CFAP47: variants seen among roughly 807,000 people sequenced by gnomAD.
The protein encoded by CFAP47 is cilia and flagella associated protein 47.
Under a neutral mutation model 148.1 loss-of-function variants are expected in CFAP47, and 29 were observed. The ratio of observed to expected loss-of-function variants is 0.20; its 90% CI spans 0.15 to 0.27. The LOEUF (loss-of-function observed/expected upper bound fraction) is 0.27, where lower values mean the gene tolerates loss of function less well. Ranked by LOEUF, CFAP47 falls within the 10% of genes least tolerant of loss-of-function variation. CFAP47 has a pLI of 1.00. For synonymous variants in CFAP47, 664 were observed against 577.3 expected (o/e 1.15, Z -2.15); for missense variants, 1,872 against 1,697.5 (o/e 1.10, Z -1.81).
chrX:36,290,284 GTATC>G (rs1386862594), intron 51 of CFAP47, among the ~76,000 whole-genome samples: 10 of 111,788 alleles, frequency 8.9e-5, no homozygotes, highest in Non-Finnish European at 1.7e-4. Flanking sequence ...TATTTACAGA[GTATC>G]TAGGTAGTCA....
chrX:36,096,662 C>T (rs773664503), intron 30 of CFAP47, among the ~76,000 whole-genome samples: 1 of 109,799 alleles, frequency 9.1e-6, no homozygotes, highest in East Asian at 2.9e-4. Context: ...AGTATAGCTA[C>T]TCCTGCTTTT....
chrX:36,009,385 G>A (rs900885751), intron 21 of CFAP47, among the ~76,000 whole-genome samples: 6 of 111,807 alleles, frequency 5.4e-5, no homozygotes, highest in Admixed American at 1.9e-4. Context: ...ATAACCAGCT[G>A]CTGATGATTA....
In CFAP47 at chrX:36,328,003, T is replaced by C. The variant is rs190891967; in HGVS notation, c.8443+8696T>C. Among the ~76,000 whole-genome samples, 21 of 111,607 alleles carry C rather than the reference T, an allele frequency of 1.9e-4. 2 individuals carry two copies. The Admixed American group carries it at 1.9e-3, about 10-fold the overall frequency. On this transcript the variant is annotated intron_variant, in intron 57 of 63. Transcript: ENST00000378653. ...AAAAACGACTCATTGAGTACTATGCTCACTACGTGCATGATGGGATTCATA... is the reference window on the plus strand; with the variant it reads ...AAAAACGACTCATTGAGTACTATGCCCACTACGTGCATGATGGGATTCATA...
chrX:36,319,816 G>C (rs1373438084), intron 57 of CFAP47, among the ~76,000 whole-genome samples: 2 of 110,434 alleles, frequency 1.8e-5, no homozygotes, highest in African/African-American at 6.6e-5. Context: ...GACTATTTTT[G>C]TTGTTGTTGT....
intron 33 of CFAP47, among the ~76,000 whole-genome samples, chrX:36,106,038 C>T (rs1328982176): frequency 2.7e-5 from 3 of 112,058 alleles, no homozygotes. Context: ...CAGATATCTT[C>T]ATGGTTCCCT....
At chrX:36,236,887 G>T in intron 48 of CFAP47, 28 bp downstream of exon 48, 1 of 427,246 alleles carries the variant, frequency 2.3e-6, no homozygotes, top group Non-Finnish European at 4.1e-6. Context: ...GTGTGAAAGT[G>T]TTTTTTTCTG....
intron 16 of CFAP47, among the ~76,000 whole-genome samples, chrX:35,991,022 T>C (rs966879772): frequency 8.9e-6 from 1 of 111,761 alleles, no homozygotes; most frequent in Non-Finnish European, 1.9e-5. Context: ...CCACACAAGA[T>C]TGACACATTA....
At chrX:36,066,073 A>C (rs1355889914) in intron 27 of CFAP47, among the ~76,000 whole-genome samples, 1 of 111,997 alleles carries the variant, frequency 8.9e-6, no homozygotes, top group Non-Finnish European at 1.9e-5. Context: ...TTTGAGTATC[A>C]GTGTTTAGAA....
At chrX:36,383,893 T>C (rs1433238220) in intron 63 of CFAP47, among the ~76,000 whole-genome samples, 2 of 111,923 alleles carry the variant, frequency 1.8e-5, no homozygotes, top group Non-Finnish European at 3.8e-5. Context: ...CAGGAAGTTC[T>C]GCACAAGGAA....
intron 48 of CFAP47, among the ~76,000 whole-genome samples, chrX:36,237,457 G>A (rs1417034104): frequency 4.5e-5 from 5 of 111,197 alleles, no homozygotes; most frequent in African/African-American, 6.6e-5. Context: ...AGCCTCCCAA[G>A]TAGCTGGGAT....
Position 36,195,802 on chromosome X carries a change from G to A in CFAP47, c.6322-4577G>A, listed in dbSNP as rs1475260749. Among the ~76,000 whole-genome samples the A allele has an allele frequency of 2.7e-5, 3 of 111,409 alleles. No individual in the cohort carries two copies. In the Admixed American group the frequency reaches 2.9e-4, roughly 11 times the overall value. On this transcript the variant is annotated intron_variant, in intron 42 of 63. Coordinates refer to ENST00000378653, the MANE Select transcript of CFAP47 (RefSeq NM_001304548.2). ...AAGGAAGTTTTCATTCACTTGCAGA[G>A]CAAATTGGTGACACATTTGAGTGAA...
intron 8 of CFAP47, 75 bp from the exon 9 acceptor site, chrX:35,966,490 G>GTT: frequency 1.8e-5 from 11 of 616,521 alleles, no homozygotes; most frequent in Non-Finnish European, 2.2e-5. Context: ...TTATTAACTG[G>GTT]TTTTTTTTTT....
At chrX:36,255,551 A>AT (rs1336469163) in intron 49 of CFAP47, among the ~76,000 whole-genome samples, 3 of 105,464 alleles carry the variant, frequency 2.8e-5, no homozygotes, top group East Asian at 3.0e-4. Context: ...TGAAGCTTTT[A>AT]TTTTTTTTTT....
At chrX:35,982,366 G>T (rs760588238) in intron 15 of CFAP47, among the ~76,000 whole-genome samples, 41 of 110,978 alleles carry the variant, frequency 3.7e-4, no homozygotes, top group Non-Finnish European at 6.8e-4. Flanking sequence ...TTAGACTTTT[G>T]TCAGATACGT....
intron 49 of CFAP47, among the ~76,000 whole-genome samples, chrX:36,271,513 C>T (rs925205953): frequency 9.0e-6 from 1 of 111,531 alleles, no homozygotes; most frequent in Non-Finnish European, 1.9e-5. Context: ...GATTAATGTG[C>T]AGTATCTGAG....
At chrX:36,311,866 C>T (rs782297199) in intron 56 of CFAP47, among the ~76,000 whole-genome samples, 124 of 110,908 alleles carry the variant, frequency 1.1e-3, no homozygotes, top group African/African-American at 3.6e-3. Context: ...CTGAACATGT[C>T]ATTTACCTGT....
intron 22 of CFAP47, among the ~76,000 whole-genome samples, chrX:36,024,798 C>T (rs1028557637): frequency 9.0e-6 from 1 of 111,580 alleles, no homozygotes; most frequent in African/African-American, 3.3e-5. Flanking sequence ...TTACCTACTT[C>T]TTCAGCCTCT....
At chrX:36,191,413 C>T (rs1422279360) in intron 42 of CFAP47, among the ~76,000 whole-genome samples, 1 of 111,444 alleles carries the variant, frequency 9.0e-6, no homozygotes, top group Non-Finnish European at 1.9e-5. Flanking sequence ...AACATGTTAT[C>T]TCAATTTACT....
At chrX:35,962,341 T>C (rs1936342681) in intron 8 of CFAP47, among the ~76,000 whole-genome samples, 1 of 111,399 alleles carries the variant, frequency 9.0e-6, no homozygotes, top group Non-Finnish European at 1.9e-5. Flanking sequence ...TTGGGTCTAA[T>C]TGGCTTATGA....
Sources: allele counts gnomAD v4.1 joint callset (sites outside exome capture counted in the v4.1 genomes callset), GRCh38; gene constraint gnomAD v4.1.1; transcripts MANE v1.5; gene names NCBI Gene and HGNC (gene_info 2026-07-23, HGNC 2026-07-21).